MCF2L2: variants seen among roughly 807,000 people sequenced by gnomAD.
MCF2L2 encodes probable guanine nucleotide exchange factor MCF2L2.
A neutral mutation model predicts 150.2 loss-of-function variants in MCF2L2; 102 were observed. That is an observed-to-expected ratio of 0.68 (90% CI 0.58 to 0.80). MCF2L2 has a LOEUF of 0.80. Among genes scored for constraint, MCF2L2 ranks in the 30% least tolerant of loss-of-function variants. MCF2L2 has a pLI of 0.00. For missense variants in MCF2L2, 1,256 were observed against 1,372.8 expected (o/e 0.91, Z 1.34); for synonymous variants, 465 against 491.3 (o/e 0.95, Z 0.71).
intron 2 of MCF2L2, among the ~76,000 whole-genome samples, chr3:183,383,870 G>A (rs1407417609): frequency 1.3e-5 from 2 of 152,072 alleles, no homozygotes; most frequent in Admixed American, 6.5e-5. Flanking sequence ...AGCTTCCCTT[G>A]CTGTTAAGTT....
At chr3:183,379,123 G>T (rs1183794673) in intron 3 of MCF2L2, 174 bp downstream of exon 3, 1 of 533,120 alleles carries the variant, frequency 1.9e-6, no homozygotes. Context: ...TTGTTTTCCA[G>T]TCCCTTTCCA....
At chr3:183,250,329 T>C (rs1724458111) in intron 15 of MCF2L2, among the ~76,000 whole-genome samples, 1 of 152,158 alleles carries the variant, frequency 6.6e-6, no homozygotes, top group Non-Finnish European at 1.5e-5. Flanking sequence ...TTCACGCCTG[T>C]AGTCCCAGCA....
intron 14 of MCF2L2, chr3:183,287,916 A>G (rs1727887233): frequency 6.6e-6 from 1 of 152,204 alleles, no homozygotes; most frequent in African/African-American, 2.4e-5. Flanking sequence ...TTGGGGATTG[A>G]TGATGGATCA....
chr3:183,304,498 G>A (rs1217704311), intron 10 of MCF2L2, among the ~76,000 whole-genome samples: 1 of 119,068 alleles, frequency 8.4e-6, no homozygotes, highest in Admixed American at 1.1e-4. Context: ...ATGGAATCTT[G>A]CTCTGTAGCT....
At chr3:183,182,051 G>A (rs140353674) in intron 27 of MCF2L2, among the ~76,000 whole-genome samples, 147 of 152,304 alleles carry the variant, frequency 9.7e-4, no homozygotes, top group Middle Eastern at 3.4e-3. Flanking sequence ...GGGAAGCGGG[G>A]AAGGGAAGGG....
chr3:183,179,406 G>C lies in MCF2L2; in HGVS notation c.3319C>G (p.Pro1107Ala), dbSNP rs748471652. 6.4e-7 allele frequency: 1 copy of C among 1,559,390 alleles called. No individual in the cohort carries two copies. Among genetic ancestry groups the C allele is most frequent in the South Asian group, 1.2e-5 (1 of 85,680 alleles). The change falls in exon 30 of 30, where the codon CCG (proline) becomes GCG (alanine). Residue 1107 changes from proline to alanine, a missense_variant. Pro to Ala is a conservative substitution (Grantham distance 27). Coordinates refer to ENST00000328913, the MANE Select transcript of MCF2L2 (RefSeq NM_015078.4). The surrounding 1 kb of genome is among the most constrained non-coding windows in gnomAD (Gnocchi z 4.2). ...TAGFQARALR[P>A]RTSAQES is the part of the protein sequence containing the mutation. Reference sequence around the variant, plus strand: ...CAGCTCTCCTGGGCGGAGGTCCTCGGGCGCAGCGCCCTCGCCTGGAAACCA... The same window carrying C: ...CAGCTCTCCTGGGCGGAGGTCCTCGCGCGCAGCGCCCTCGCCTGGAAACCA...
chr3:183,387,549 T>C (rs1713901510), intron 2 of MCF2L2, among the ~76,000 whole-genome samples: 1 of 152,206 alleles, frequency 6.6e-6, no homozygotes. Flanking sequence ...AAACATTTTA[T>C]AGAACTATAA....
intron 22 of MCF2L2, 82 bp downstream of exon 22, chr3:183,215,887 G>A: frequency 6.8e-7 from 1 of 1,478,594 alleles, no homozygotes; most frequent in Non-Finnish European, 9.1e-7. Flanking sequence ...CGATCTCTCT[G>A]ACTTTGCCAG....
At position 183,178,259 on chromosome 3, in the gene MCF2L2, G is replaced by A. The variant is rs1231991872; in HGVS notation, c.*1121C>T. 1.3e-5 allele frequency: 2 copies of A among 152,240 alleles called. No individual in the cohort carries two copies. The highest frequency in any genetic ancestry group is 2.4e-5 in the African/African-American group (1 of 41,464). 9.4% of individuals were successfully genotyped at this position (152,240 alleles called of 1,614,324 possible). ...AGGCAGGGGGATCACGAGGTCAGGA[G>A]ATCGAGACCATCCTGGCTAACACGG... On this transcript the variant is annotated 3_prime_UTR_variant, in exon 30 of 30. Transcript: ENST00000328913.
At chr3:183,212,552 GAC>G (rs760359533) in intron 22 of MCF2L2, among the ~76,000 whole-genome samples, 55 of 152,204 alleles carry the variant, frequency 3.6e-4, no homozygotes, top group Non-Finnish European at 7.1e-4. Flanking sequence ...TTTCAAATGT[GAC>G]TACATTGGCC....
At chr3:183,325,816 C>T (rs373205382) in intron 5 of MCF2L2, among the ~76,000 whole-genome samples, 12 of 151,790 alleles carry the variant, frequency 7.9e-5, no homozygotes, top group East Asian at 1.9e-4. Flanking sequence ...CTTTAGATGA[C>T]GAAGAGGAAT....
chr3:183,318,101 GAGA>G lies in MCF2L2; in HGVS notation c.717_719del (p.Leu240del), dbSNP rs1729672817. 6.2e-7 allele frequency: 1 copy of G among 1,614,016 alleles called. No homozygotes were observed. Among genetic ancestry groups the G allele is most frequent in the Non-Finnish European group, 8.5e-7 (1 of 1,180,012 alleles). ...TGTCCCGCTGCCTTGTGTGGGACAT[GAGA>G]AGGTCTTCCGTGGATAGCATGCTTC... On this transcript the variant is annotated inframe_deletion, in exon 7 of 30. Transcript: ENST00000328913.
rs1310347982 is a variant in MCF2L2, at chr3:183,339,043, T to C, written c.367-124A>G. 7.6e-6 allele frequency: 7 copies of C among 920,636 alleles called. 1 individual carries two copies. The East Asian group carries it at 1.9e-4, about 25-fold the overall frequency. The allele number at this position is 920,636 out of a possible 1,614,324, so 57.0% of individuals were successfully genotyped here. ...GAAGGAAAAGTTAAAACGGATGCCA[T>C]GGATGTAAATTTCACCAGATTTCAG... On this transcript the variant is annotated intron_variant, in intron 4 of 29. Coordinates refer to ENST00000328913, the MANE Select transcript of MCF2L2 (RefSeq NM_015078.4).
chr3:183,270,079 T>C lies in MCF2L2; in HGVS notation c.1862+6793A>G, dbSNP rs1726604035. 6.2e-7 allele frequency: 1 copy of C among 1,614,062 alleles called. No homozygotes were observed. Among genetic ancestry groups the C allele is most frequent in the South Asian group, 1.1e-5 (1 of 91,084 alleles). On this transcript the variant is annotated intron_variant, in intron 15 of 29. Transcript: ENST00000328913. This position sits in a 1 kb window ranked among gnomAD's most constrained non-coding sequence, Gnocchi z 4.5. The stretch of plus-strand genomic sequence containing the variant: ...CAAGACGTCCTCCTTTTACTGTTTG[T>C]AAAAACTGCTCCTGAAAACTATGAT...
At chr3:183,317,933 G>T (rs16857313) in intron 7 of MCF2L2, 135 bp downstream of exon 7, 18,500 of 1,087,416 alleles carry the variant, frequency 0.017, 1,022 homozygotes, top group African/African-American at 0.13. Context: ...GGTTTAAGAT[G>T]ATCAGTGGCT....
intron 14 of MCF2L2, among the ~76,000 whole-genome samples, chr3:183,281,237 T>C (rs1017237701): frequency 6.6e-6 from 1 of 152,096 alleles, no homozygotes; most frequent in African/African-American, 2.4e-5. Flanking sequence ...GCAAAGGCAT[T>C]TGCCCACAGC....
intron 15 of MCF2L2, chr3:183,231,295 A>G: frequency 1.8e-6 from 1 of 562,196 alleles, no homozygotes. Flanking sequence ...TGGGTGGGCC[A>G]TATAGTGTGG....
intron 10 of MCF2L2, among the ~76,000 whole-genome samples, chr3:183,308,927 G>C (rs1729230737): frequency 6.6e-6 from 1 of 152,130 alleles, no homozygotes; most frequent in Non-Finnish European, 1.5e-5. Context: ...TAACCACAGG[G>C]GACTTGGTCC....
At chr3:183,269,798 T>A (rs1230333114) in intron 15 of MCF2L2, 2 of 1,599,374 alleles carry the variant, frequency 1.3e-6, no homozygotes, top group South Asian at 2.3e-5. Flanking sequence ...CTTGAGTGGA[T>A]ATGAGAATGT....
Sources: gnomAD v4.1 joint callset for allele counts (sites outside exome capture counted in the v4.1 genomes callset) on GRCh38, gnomAD v4.1.1 for gene constraint, Gnocchi (gnomAD v3.1) non-coding constraint, MANE v1.5 for transcripts, NCBI Gene and HGNC (gene_info 2026-07-23, HGNC 2026-07-21) for gene names.